CPA6: variants seen among roughly 807,000 people sequenced by gnomAD.
The protein encoded by CPA6 is carboxypeptidase A6.
In CPA6, 58 loss-of-function variants were observed where a neutral mutation model predicts 63.3. The ratio of observed to expected loss-of-function variants is 0.92; its 90% CI spans 0.74 to 1.14. CPA6 has a LOEUF of 1.14. Among genes scored for constraint, CPA6 ranks in the 50% most tolerant of loss-of-function variants. CPA6 has a pLI of 0.00. For synonymous variants in CPA6, 185 were observed against 179.0 expected (o/e 1.03, Z -0.27); for missense variants, 565 against 526.6 (o/e 1.07, Z -0.71).
intron 2 of CPA6, among the ~76,000 whole-genome samples, chr8:67,607,169 CTCTTCTTCTTCTTCTTCTTCTTCT>C (rs1211819002): frequency 0.035 from 1,006 of 28,384 alleles, 83 homozygotes; most frequent in South Asian, 0.072. Context: ...CTTCTTCTTC[CTCTTCTTCTTCTTCTTCTTCTTCT>C]TCTTCTTCTT....
At chr8:67,614,625 C>T (rs947840820) in intron 2 of CPA6, among the ~76,000 whole-genome samples, 1 of 152,138 alleles carries the variant, frequency 6.6e-6, no homozygotes, top group Non-Finnish European at 1.5e-5. Flanking sequence ...AATCTTTCCC[C>T]TAAGAGAAAA....
At chr8:67,642,793 TCACACACACA>T (rs61054637) in intron 1 of CPA6, among the ~76,000 whole-genome samples, 1 of 145,072 alleles carries the variant, frequency 6.9e-6, no homozygotes, top group African/African-American at 2.6e-5. Flanking sequence ...GGCCTTTATC[TCACACACACA>T]CACACACACA....
intron 1 of CPA6, among the ~76,000 whole-genome samples, chr8:67,637,891 C>T (rs1815505941): frequency 6.6e-6 from 1 of 151,276 alleles, no homozygotes; most frequent in Non-Finnish European, 1.5e-5. Context: ...ATGTAAGATT[C>T]ACCTAGGAAT....
chr8:67,640,173 G>T lies in CPA6; in HGVS notation c.117-15922C>A, dbSNP rs936738215. Among the ~76,000 whole-genome samples, 15 of 151,406 alleles carry T rather than the reference G, an allele frequency of 9.9e-5. 1 individual carries two copies. Among genetic ancestry groups the T allele is most frequent in the Admixed American group, 3.9e-4 (6 of 15,246 alleles). Reference sequence around the variant, plus strand: ...TCTGGTCTGTGGGACTGGGAGCCTGGCCCCCAGGCTTCGGCTCCCCCCAGC... The same window carrying T: ...TCTGGTCTGTGGGACTGGGAGCCTGTCCCCCAGGCTTCGGCTCCCCCCAGC... On this transcript the variant is annotated intron_variant, in intron 1 of 10. Coordinates refer to ENST00000297770, the MANE Select transcript of CPA6 (RefSeq NM_020361.5).
At chr8:67,577,663 T>C (rs1259797251) in intron 2 of CPA6, among the ~76,000 whole-genome samples, 3 of 152,228 alleles carry the variant, frequency 2.0e-5, no homozygotes, top group Non-Finnish European at 4.4e-5. Flanking sequence ...AAGGAAAGCA[T>C]GAGTTAACTT....
chr8:67,691,193 A>G (rs955120104), intron 1 of CPA6, among the ~76,000 whole-genome samples: 6 of 152,226 alleles, frequency 3.9e-5, no homozygotes, highest in Admixed American at 3.9e-4. Context: ...AATAACTCAT[A>G]TTGACTTCAT....
chr8:67,439,270 G>A (rs1013818564), intron 8 of CPA6, among the ~76,000 whole-genome samples: 2 of 152,064 alleles, frequency 1.3e-5, no homozygotes, highest in African/African-American at 2.4e-5. Flanking sequence ...TCTAGTCTGG[G>A]TGACAGAGCA....
intron 1 of CPA6, among the ~76,000 whole-genome samples, chr8:67,666,129 T>C (rs1007592566): frequency 4.6e-5 from 7 of 152,328 alleles, no homozygotes; most frequent in African/African-American, 1.7e-4. Context: ...TGTAAAGAAC[T>C]GAGCAGAGAC....
intron 8 of CPA6, among the ~76,000 whole-genome samples, chr8:67,471,684 AG>A (rs1272086327): frequency 1.3e-5 from 2 of 152,342 alleles, no homozygotes; most frequent in East Asian, 3.9e-4. Context: ...CAAATATAAA[AG>A]GTGGTAGATA....
At chr8:67,430,081 G>A (rs1415312818) in intron 9 of CPA6, among the ~76,000 whole-genome samples, 1 of 149,320 alleles carries the variant, frequency 6.7e-6, no homozygotes, top group Non-Finnish European at 1.5e-5. Context: ...TTGTCAAAAA[G>A]TACCTAGGCA....
At chr8:67,661,811 C>T (rs1276994985) in intron 1 of CPA6, among the ~76,000 whole-genome samples, 10 of 152,210 alleles carry the variant, frequency 6.6e-5, no homozygotes, top group Non-Finnish European at 1.3e-4. Flanking sequence ...TACTGTCTGT[C>T]TCTATGAACT....
intron 8 of CPA6, among the ~76,000 whole-genome samples, chr8:67,451,779 A>C (rs1356228393): frequency 6.6e-6 from 1 of 152,176 alleles, no homozygotes; most frequent in Non-Finnish European, 1.5e-5. Flanking sequence ...CACCACCACA[A>C]AATATTTTCA....
rs1222020534 is a variant in CPA6 at position 67,422,708 on chromosome 8, A to C, written c.1127-17T>G. Reference sequence around the variant, plus strand: ...AGCTCACATCTAAAAGTTAAAACAAAAAAAAAAAGATCAGCCTCACTAAAG... The same window carrying C: ...AGCTCACATCTAAAAGTTAAAACAACAAAAAAAAGATCAGCCTCACTAAAG... On this transcript the variant is annotated splice_polypyrimidine_tract_variant and intron_variant, in intron 10 of 10. Coordinates refer to ENST00000297770, the MANE Select transcript of CPA6 (RefSeq NM_020361.5). 17 of 1,582,804 alleles carry C rather than the reference A, an allele frequency of 1.1e-5. No homozygotes were observed. In the East Asian group the frequency reaches 2.7e-4, roughly 25 times the overall value.
At chr8:67,527,585 T>A (rs1297726692) in intron 2 of CPA6, among the ~76,000 whole-genome samples, 4 of 152,260 alleles carry the variant, frequency 2.6e-5, no homozygotes, top group Non-Finnish European at 5.9e-5. Flanking sequence ...CTAGACTTAA[T>A]GTGCTTTTTT....
At chr8:67,653,974 G>A (rs1173855589) in intron 1 of CPA6, among the ~76,000 whole-genome samples, 1 of 151,424 alleles carries the variant, frequency 6.6e-6, no homozygotes, top group Admixed American at 6.6e-5. Flanking sequence ...TTTGTCAAAG[G>A]CCTTTTCTGC....
intron 8 of CPA6, among the ~76,000 whole-genome samples, chr8:67,472,174 T>C (rs1811072993): frequency 6.6e-6 from 1 of 152,048 alleles, no homozygotes. Context: ...CTGAGCAGCA[T>C]GGGAGTGTTA....
At chr8:67,544,558 C>T (rs1004881855) in intron 2 of CPA6, among the ~76,000 whole-genome samples, 2 of 152,138 alleles carry the variant, frequency 1.3e-5, no homozygotes, top group Admixed American at 6.5e-5. Flanking sequence ...CCCATATCCT[C>T]GAGGAGTTGA....
intron 2 of CPA6, among the ~76,000 whole-genome samples, chr8:67,607,436 C>T (rs567814888): frequency 7.2e-5 from 11 of 151,970 alleles, no homozygotes; most frequent in African/African-American, 1.2e-4. Context: ...GAAATCTTAA[C>T]GGGTCTTCTT....
rs561338280 is a variant in CPA6, at chr8:67,444,636, T to A, written c.839-10396A>T. On this transcript the variant is annotated intron_variant, in intron 8 of 10. Coordinates refer to ENST00000297770, the MANE Select transcript of CPA6 (RefSeq NM_020361.5). ...CTGTCTCTAGTAAAAATACAAAAAT[T>A]AGCTGGGTGTTGTGGCGGGTCCTGC... Among the ~76,000 whole-genome samples the A allele has an allele frequency of 4.2e-5, 6 of 144,510 alleles. No homozygotes were observed. The South Asian group carries it at 1.4e-3, about 33-fold the overall frequency. The allele number at this position is 144,510 out of a possible 152,430, so 94.8% of individuals were successfully genotyped here.
Sources: allele counts gnomAD v4.1 joint callset (sites outside exome capture counted in the v4.1 genomes callset), GRCh38; gene constraint gnomAD v4.1.1; transcripts MANE v1.5; gene names NCBI Gene and HGNC (gene_info 2026-07-23, HGNC 2026-07-21).